The following GSE1 variants were observed in gnomAD, a reference collection of about 807,000 sequenced individuals.
GSE1 encodes the protein Gse1 coiled-coil protein.
In GSE1, 32 loss-of-function variants were observed where a neutral mutation model predicts 112.6. The observed-to-expected ratio is 0.28, with a 90% CI of 0.21 to 0.38. GSE1 has a LOEUF of 0.38. Ranked by LOEUF, GSE1 falls within the 10% of genes least tolerant of loss-of-function variation. The pLI, the probability that GSE1 is intolerant of heterozygous loss-of-function variation, is 1.00. For synonymous variants in GSE1, 1,115 were observed against 735.6 expected, an observed-to-expected ratio of 1.52 and a Z score of -8.35; for missense variants, 2,348 against 1,699.2, an observed-to-expected ratio of 1.38 and a Z score of -6.71.
chr16:85,673,987 C>T lies in GSE1; in HGVS notation c.*1448C>T, dbSNP rs1344746435. The T allele has an allele frequency of 2.0e-5, 3 of 152,288 alleles. No individual in the cohort carries two copies. Among genetic ancestry groups the T allele is most frequent in the South Asian group, 4.1e-4 (2 of 4,834 alleles). The allele number at this position is 152,288 out of a possible 1,614,324, so 9.4% of individuals were successfully genotyped here. ...TGACAAGCACAGGAACGGTCAGAAA[C>T]TGGGCTCATCACACCAAGGCAAAGC... is the stretch of plus-strand genomic sequence containing the variant. On this transcript the variant is annotated 3_prime_UTR_variant, in exon 16 of 16. Transcript: ENST00000253458.
rs774484782 is a variant in GSE1 at position 85,672,570 on chromosome 16, G to C, written c.*31G>C. The C allele has an allele frequency of 2.0e-6, 3 of 1,474,118 alleles. No homozygotes were observed. The highest frequency in any genetic ancestry group is 2.8e-6 in the Non-Finnish European group (3 of 1,084,016). 91.3% of individuals were successfully genotyped at this position (1,474,118 alleles called of 1,614,324 possible). On this transcript the variant is annotated 3_prime_UTR_variant, in exon 16 of 16. Coordinates refer to ENST00000253458, the MANE Select transcript of GSE1 (RefSeq NM_014615.5). ...TCCCTTGCACTAGGCCGAACCTATA[G>C]TATAGAAATATTATCTATTTTATTA...
intron 2 of GSE1, among the ~76,000 whole-genome samples, chr16:85,492,008 C>T (rs1284512211): frequency 6.6e-6 from 1 of 152,166 alleles, no homozygotes; most frequent in Non-Finnish European, 1.5e-5. Flanking sequence ...CTGGGCACCA[C>T]CACCACCACC....
chr16:85,397,086 C>T (rs2047983317), intron 2 of GSE1, among the ~76,000 whole-genome samples: 1 of 152,160 alleles, frequency 6.6e-6, no homozygotes, highest in Non-Finnish European at 1.5e-5. Context: ...GAAAAGGAGA[C>T]AGGCCAATGT....
chr16:85,215,801 G>T (rs2075298433), intron 1 of GSE1, among the ~76,000 whole-genome samples: 2 of 152,142 alleles, frequency 1.3e-5, no homozygotes, highest in African/African-American at 2.4e-5. Flanking sequence ...GCTGGCTTTG[G>T]AGGGCTAGCC....
intron 1 of GSE1, among the ~76,000 whole-genome samples, chr16:85,226,623 G>C (rs117314514): frequency 1.3e-5 from 2 of 152,126 alleles, no homozygotes; most frequent in African/African-American, 4.8e-5. Flanking sequence ...GGCTGCTGCC[G>C]GTGCTGTTGT....
At chr16:85,549,525 G>A (rs1458835671) in intron 2 of GSE1, among the ~76,000 whole-genome samples, 26 of 152,178 alleles carry the variant, frequency 1.7e-4, no homozygotes, top group Admixed American at 1.7e-3. Context: ...GCTGCACAGG[G>A]GCAGGCTGGG....
intron 1 of GSE1, among the ~76,000 whole-genome samples, chr16:85,279,977 C>T (rs1044817184): frequency 6.6e-6 from 1 of 152,166 alleles, no homozygotes; most frequent in Non-Finnish European, 1.5e-5. Flanking sequence ...CTCAGTTCTC[C>T]CCACACACAG....
chr16:85,322,411 C>A (rs1230886532), intron 1 of GSE1, among the ~76,000 whole-genome samples: 2 of 152,094 alleles, frequency 1.3e-5, no homozygotes, highest in South Asian at 2.1e-4. Flanking sequence ...CACTTTCAAA[C>A]CTTGTTGCAA....
At chr16:85,246,454 CA>C (rs1905806645) in intron 1 of GSE1, among the ~76,000 whole-genome samples, 1 of 116,010 alleles carries the variant, frequency 8.6e-6, no homozygotes, top group African/African-American at 3.2e-5. Flanking sequence ...CACACACACA[CA>C]CACACCCCAC....
intron 2 of GSE1, among the ~76,000 whole-genome samples, chr16:85,454,429 T>C (rs1366914811): frequency 6.6e-6 from 1 of 152,228 alleles, no homozygotes; most frequent in Non-Finnish European, 1.5e-5. Flanking sequence ...GGCTTGCCAG[T>C]GGGCCTTAGT....
rs553341037 is a variant in GSE1, at chr16:85,473,102, T to A, written c.2464+115459T>A. On this transcript the variant is annotated intron_variant, in intron 2 of 2. Coordinates refer to the GSE1 transcript ENST00000637419. ...GGCCTCTCGAGGGAGGACATTTGAA[T>A]GGAGATCAGCAGGAAGCGGGAGGGC... Among the ~76,000 whole-genome samples, 6 of 152,328 alleles carry A rather than the reference T, an allele frequency of 3.9e-5. No individual in the cohort carries two copies. The South Asian group carries it at 8.3e-4, about 21-fold the overall frequency.
At chr16:85,421,265 G>T (rs945187713) in intron 2 of GSE1, among the ~76,000 whole-genome samples, 5 of 152,136 alleles carry the variant, frequency 3.3e-5, no homozygotes, top group Non-Finnish European at 7.4e-5. Context: ...GTCCCTGGGG[G>T]GGTCTCTCGG....
chr16:85,640,539 C>T lies in GSE1; in HGVS notation c.226+6407C>T, dbSNP rs1261871949. On this transcript the variant is annotated intron_variant, in intron 2 of 15. Transcript: ENST00000253458. Reference sequence around the variant, plus strand: ...GCAAGAGGGGAGGCAGATCCGGTTACTGTCCTGTCCCTGGTGCCACCTGAA... The same window carrying T: ...GCAAGAGGGGAGGCAGATCCGGTTATTGTCCTGTCCCTGGTGCCACCTGAA... 2.0e-5 allele frequency among the ~76,000 whole-genome samples: 3 copies of T among 152,254 alleles called. No homozygotes were observed. The East Asian group carries it at 5.8e-4, about 29-fold the overall frequency.
At chr16:85,187,520 CCT>C (rs1283171449) in intron 1 of GSE1, among the ~76,000 whole-genome samples, 1 of 152,258 alleles carries the variant, frequency 6.6e-6, no homozygotes, top group Admixed American at 6.5e-5. Context: ...CTCCAGCCAT[CCT>C]TACAAAAGAA....
At chr16:85,498,331 A>G (rs1346602989) in intron 2 of GSE1, among the ~76,000 whole-genome samples, 1 of 152,116 alleles carries the variant, frequency 6.6e-6, no homozygotes, top group Non-Finnish European at 1.5e-5. Flanking sequence ...AGACACACAG[A>G]CACACACGGA....
At chr16:85,296,015 G>A (rs1014397472) in intron 1 of GSE1, among the ~76,000 whole-genome samples, 7 of 152,152 alleles carry the variant, frequency 4.6e-5, no homozygotes, top group Non-Finnish European at 1.0e-4. Flanking sequence ...CCAGGAAGCC[G>A]GCACCACAGC....
intron 14 of GSE1, among the ~76,000 whole-genome samples, chr16:85,670,380 A>AT (rs375789127): frequency 6.4e-4 from 96 of 149,546 alleles, no homozygotes; most frequent in African/African-American, 1.5e-3. Flanking sequence ...TCATCCTTTG[A>AT]TTTTTTTTTT....
chr16:85,617,540 A>G (rs917479521), intron 1 of GSE1, among the ~76,000 whole-genome samples: 1 of 147,010 alleles, frequency 6.8e-6, no homozygotes, highest in African/African-American at 2.5e-5. Context: ...CTGTACTGCC[A>G]GGCAGTTCAG....
intron 1 of GSE1, among the ~76,000 whole-genome samples, chr16:85,632,805 AGGAAGCCGG>A (rs1018749858): frequency 6.6e-6 from 1 of 152,040 alleles, no homozygotes; most frequent in Non-Finnish European, 1.5e-5. Flanking sequence ...ATCCACAGGG[AGGAAGCCGG>A]GACCCTGTCT....
Sources: allele counts gnomAD v4.1 joint callset (sites outside exome capture counted in the v4.1 genomes callset), GRCh38; gene constraint gnomAD v4.1.1; transcripts MANE v1.5; gene names NCBI Gene and HGNC (gene_info 2026-07-23, HGNC 2026-07-21).